The following UBXN2B variants were observed in gnomAD, a reference collection of about 807,000 sequenced individuals.
The protein encoded by UBXN2B is UBX domain protein 2B.
Under a neutral mutation model 37.5 loss-of-function variants are expected in UBXN2B, and 19 were observed. The ratio of observed to expected loss-of-function variants is 0.51; its 90% CI spans 0.35 to 0.74. The LOEUF (loss-of-function observed/expected upper bound fraction) is 0.74, where lower values mean the gene tolerates loss of function less well. Ranked by LOEUF, UBXN2B falls within the 30% of genes least tolerant of loss-of-function variation. UBXN2B has a pLI of 0.01. For synonymous variants in UBXN2B, 145 were observed against 143.8 expected (o/e 1.01, Z -0.06); for missense variants, 370 against 393.2 (o/e 0.94, Z 0.50).
chr8:58,416,983 GAAATTAT>G (rs1807802139), intron 2 of UBXN2B, 30 bp downstream of exon 2: 1 of 1,533,276 alleles, frequency 6.5e-7, no homozygotes, highest in South Asian at 1.3e-5. Flanking sequence ...GTTGTAAAAA[GAAATTAT>G]AATCCTTTCT....
At chr8:58,422,306 G>A (rs1308335193) in intron 2 of UBXN2B, among the ~76,000 whole-genome samples, 1 of 152,140 alleles carries the variant, frequency 6.6e-6, no homozygotes, top group Non-Finnish European at 1.5e-5. Flanking sequence ...ACTAACTCAG[G>A]GTCTTAAGAG....
rs951642460 is a variant in UBXN2B at position 58,450,937 on chromosome 8, C to G, written c.*3386C>G. 6.6e-6 allele frequency: 1 copy of G among 152,470 alleles called. No individual in the cohort carries two copies. The highest frequency in any genetic ancestry group is 1.5e-5 in the Non-Finnish European group (1 of 68,022). The allele number at this position is 152,470 out of a possible 1,614,324, so 9.4% of individuals were successfully genotyped here. A position where few individuals can be genotyped will look rare whatever the true frequency, so the allele number is the denominator to read the frequency against. Reference sequence around the variant, plus strand: ...ATATAGAGGAATTCTCAAAATAAGCCCTACTCCTTTTCACTTACTGAAAAC... The same window carrying G: ...ATATAGAGGAATTCTCAAAATAAGCGCTACTCCTTTTCACTTACTGAAAAC... On this transcript the variant is annotated 3_prime_UTR_variant, in exon 8 of 8. Transcript: ENST00000399598.
chr8:58,414,474 A>G (rs1441095691), intron 1 of UBXN2B, among the ~76,000 whole-genome samples: 1 of 152,234 alleles, frequency 6.6e-6, no homozygotes, highest in Non-Finnish European at 1.5e-5. Flanking sequence ...TTCAAATTCT[A>G]GAGGAAAGAT....
At position 58,426,431 on chromosome 8, in the gene UBXN2B, A is replaced by G. The variant is rs577875541; in HGVS notation, c.189-4088A>G. 1.3e-4 allele frequency: 79 copies of G among 616,738 alleles called. 1 individual carries two copies. Among genetic ancestry groups the G allele is most frequent in the Middle Eastern group, 3.4e-4 (1 of 2,926 alleles). 38.2% of individuals were successfully genotyped at this position (616,738 alleles called of 1,614,324 possible). A position where few individuals can be genotyped will look rare whatever the true frequency, so the allele number is the denominator to read the frequency against. ...CACCATGTTAGCCAGGATGGTCTCA[A>G]TCTCCTGACTTTGTGATCCGCCCTC... On this transcript the variant is annotated intron_variant, in intron 2 of 7. Coordinates refer to ENST00000399598, the MANE Select transcript of UBXN2B (RefSeq NM_001077619.2).
At chr8:58,422,411 C>T (rs1471441112) in intron 2 of UBXN2B, among the ~76,000 whole-genome samples, 1 of 152,210 alleles carries the variant, frequency 6.6e-6, no homozygotes, top group African/African-American at 2.4e-5. Flanking sequence ...ACAATAACTT[C>T]ACAGCAAAGA....
rs1262068583 is a variant in UBXN2B, at chr8:58,411,419, C to T, written c.34C>T (p.Gln12Ter). 2.4e-6 allele frequency: 3 copies of T among 1,270,586 alleles called. No individual in the cohort carries two copies. Among genetic ancestry groups the T allele is most frequent in the Non-Finnish European group, 2.0e-6 (2 of 1,002,758 alleles). The allele number at this position is 1,270,586 out of a possible 1,614,324, so 78.7% of individuals were successfully genotyped here. A position where few individuals can be genotyped will look rare whatever the true frequency, so the allele number is the denominator to read the frequency against. Residue 12 changes from glutamine (Q) to a stop codon, truncating the protein, a stop_gained, in exon 1 of 8, where the codon CAG (glutamine) becomes TAG (stop). Transcript: ENST00000399598. LOFTEE classifies it high-confidence loss of function. ...AEGGGPEPGE[Q>*]ERRSSGPRPP... ...GGGCGGAGGCCCTGAGCCCGGCGAG[C>T]AGGAGAGGAGGTCTTCCGGGCCGCG...
intron 2 of UBXN2B, chr8:58,424,538 A>G: frequency 1.2e-6 from 1 of 839,478 alleles, no homozygotes; most frequent in Non-Finnish European, 2.0e-6. Flanking sequence ...CTTTTTAGGG[A>G]GAGAGTGAAG....
At chr8:58,446,274 A>G (rs1318990145) in intron 7 of UBXN2B, among the ~76,000 whole-genome samples, 1 of 152,200 alleles carries the variant, frequency 6.6e-6, no homozygotes, top group Admixed American at 6.5e-5. Flanking sequence ...CAGTCTCTAT[A>G]AACTATCCAA....
intron 6 of UBXN2B, among the ~76,000 whole-genome samples, chr8:58,444,074 C>T (rs907460538): frequency 5.9e-5 from 9 of 152,278 alleles, no homozygotes; most frequent in African/African-American, 2.2e-4. Flanking sequence ...GCTTCCCCAT[C>T]CTCCATTTTC....
Position 58,442,834 on chromosome 8 carries a change from T to G in UBXN2B, c.671+3064T>G, listed in dbSNP as rs142817000. 2.0e-3 allele frequency among the ~76,000 whole-genome samples: 310 copies of G among 152,310 alleles called. 2 individuals are homozygous for G. Among genetic ancestry groups the G allele is most frequent in the Non-Finnish European group, 3.8e-3 (259 of 68,032 alleles). On this transcript the variant is annotated intron_variant, in intron 6 of 7. Transcript: ENST00000399598. ...TAAAAATCATGATTTGAAGCTGATG[T>G]TTCTGCAGAAGAACAGTCACTGCCT...
chr8:58,439,787 G>A lies in UBXN2B; in HGVS notation c.671+17G>A, dbSNP rs775817028. 1.3e-6 allele frequency: 2 copies of A among 1,581,998 alleles called. No individual in the cohort carries two copies. Among genetic ancestry groups the A allele is most frequent in the African/African-American group, 2.7e-5 (2 of 72,848 alleles). On this transcript the variant is annotated intron_variant, in intron 6 of 7. Transcript: ENST00000399598. The stretch of plus-strand genomic sequence containing the variant: ...ACTTGGAAGGTAAAAATCCTAAAAT[G>A]AGAAAAATACCTTTGTTGAACATGA...
intron 2 of UBXN2B, among the ~76,000 whole-genome samples, chr8:58,418,241 CAAAAAAAAAAAAAAA>C (rs56073006): frequency 4.6e-5 from 5 of 109,112 alleles, no homozygotes; most frequent in African/African-American, 1.5e-4. Context: ...ACTCTGTCTC[CAAAAAAAAAAAAAAA>C]AAAAAAAAAA....
chr8:58,430,050 T>A (rs1315836012), intron 2 of UBXN2B, among the ~76,000 whole-genome samples: 4 of 152,180 alleles, frequency 2.6e-5, no homozygotes, highest in Non-Finnish European at 5.9e-5. Context: ...GAAAGATAAA[T>A]CCTCTCTAGA....
intron 5 of UBXN2B, among the ~76,000 whole-genome samples, chr8:58,435,906 G>T (rs1808401400): frequency 6.6e-6 from 1 of 151,520 alleles, no homozygotes; most frequent in Non-Finnish European, 1.5e-5. Context: ...GAAATATTTT[G>T]TAAAACCATC....
Position 58,439,664 on chromosome 8 carries a change from C to A in UBXN2B, c.565C>A (p.His189Asn), listed in dbSNP as rs375334381. Residue 189 changes from histidine to asparagine, a missense_variant, in exon 6 of 8, where the codon CAT becomes AAT. By Grantham distance (68) the His-to-Asn change is moderately conservative (BLOSUM62 1). Transcript: ENST00000399598. ...EIPLELQRLV[H>N]GGQVNLDMED... ...TCCCCTGGAGCTTCAGCGCCTTGTTCATGGTGGCCAAGTGAATTTGGATAT... is the reference window on the plus strand; with the variant it reads ...TCCCCTGGAGCTTCAGCGCCTTGTTAATGGTGGCCAAGTGAATTTGGATAT... The A allele has an allele frequency of 6.2e-7, 1 of 1,609,774 alleles. No individual in the cohort carries two copies.
At chr8:58,415,912 T>C (rs1297506900) in intron 1 of UBXN2B, among the ~76,000 whole-genome samples, 2 of 152,106 alleles carry the variant, frequency 1.3e-5, no homozygotes, top group African/African-American at 4.8e-5. Flanking sequence ...AGTTGACTAA[T>C]AGAATTTTCA....
At chr8:58,413,837 G>A (rs1801672780) in intron 1 of UBXN2B, among the ~76,000 whole-genome samples, 1 of 152,138 alleles carries the variant, frequency 6.6e-6, no homozygotes, top group African/African-American at 2.4e-5. Flanking sequence ...TGGTCATGGG[G>A]AAAGTTAGGG....
intron 1 of UBXN2B, among the ~76,000 whole-genome samples, chr8:58,416,600 A>G (rs1226303995): frequency 2.8e-4 from 42 of 152,188 alleles, no homozygotes; most frequent in Admixed American, 2.6e-3. Flanking sequence ...GACACTGTTC[A>G]GTAGTTAATT....
chr8:58,437,459 G>A (rs1808443695), intron 5 of UBXN2B, among the ~76,000 whole-genome samples: 1 of 150,822 alleles, frequency 6.6e-6, no homozygotes, highest in African/African-American at 2.4e-5. Context: ...TCCCAAGTAG[G>A]TGGAATTACA....
Sources: allele counts gnomAD v4.1 joint callset (sites outside exome capture counted in the v4.1 genomes callset), GRCh38; gene constraint gnomAD v4.1.1; transcripts MANE v1.5; gene names NCBI Gene and HGNC (gene_info 2026-07-23, HGNC 2026-07-21).